AGBL4: variants seen among roughly 807,000 people sequenced by gnomAD.
AGBL4 encodes the protein AGBL carboxypeptidase 4, also known as cytosolic carboxypeptidase 6.
AGBL4 carries 58 observed loss-of-function variants against 66.4 expected under a neutral mutation model. The observed-to-expected ratio is 0.87, with a 90% CI of 0.71 to 1.09. AGBL4 has a LOEUF of 1.09. AGBL4 is among the 50% of genes least tolerant of loss of function. The pLI is 0.00. For synonymous variants in AGBL4, 234 were observed against 222.9 expected (o/e 1.05, Z -0.44); for missense variants, 579 against 631.0 (o/e 0.92, Z 0.88).
chr1:49,527,062 C>T (rs1033971459), intron 3 of AGBL4, among the ~76,000 whole-genome samples: 1 of 152,064 alleles, frequency 6.6e-6, no homozygotes, highest in African/African-American at 2.4e-5. Flanking sequence ...TAAGTAAATA[C>T]TATGTGTCAG....
chr1:49,280,431 A>G (rs1644251879), intron 3 of AGBL4, among the ~76,000 whole-genome samples: 2 of 152,170 alleles, frequency 1.3e-5, no homozygotes, highest in South Asian at 4.1e-4. Context: ...CTGCCTAAGG[A>G]GGGCAGTGAG....
At position 49,245,390 on chromosome 1, in the gene AGBL4, GA is replaced by G. The variant is rs542062795; in HGVS notation, c.377+379del. 5.7e-4 allele frequency among the ~76,000 whole-genome samples: 79 copies of G among 139,126 alleles called. 1 individual carries two copies. Among genetic ancestry groups the G allele is most frequent in the South Asian group, 5.0e-3 (22 of 4,444 alleles). The allele number at this position is 139,126 out of a possible 152,430, so 91.3% of individuals were successfully genotyped here. ...TAAACATAATCTATGCTTAGGCTAGGAAAAAAAAAAAGAACCAACTTTATTT... is the reference window on the plus strand; with the variant it reads ...TAAACATAATCTATGCTTAGGCTAGGAAAAAAAAAAGAACCAACTTTATTT... On this transcript the variant is annotated intron_variant, in intron 4 of 13. Transcript: ENST00000371839.
At chr1:48,896,938 A>G (rs1230490552) in intron 5 of AGBL4, among the ~76,000 whole-genome samples, 1 of 152,194 alleles carries the variant, frequency 6.6e-6, no homozygotes, top group Non-Finnish European at 1.5e-5. Context: ...GGCTAAGTGC[A>G]CTTGTTATTT....
chr1:49,525,083 T>C (rs1247197866), intron 3 of AGBL4, among the ~76,000 whole-genome samples: 1 of 152,096 alleles, frequency 6.6e-6, no homozygotes, highest in Admixed American at 6.5e-5. Flanking sequence ...GTTAGGAATA[T>C]ATTTATTAAT....
In AGBL4 at chr1:49,599,980, G is replaced by T. The variant is rs543126518; in HGVS notation, c.282+97333C>A. ...TTGCTCTGTGGTCTGAGAGACGATT[G>T]GTTATGATTTCCATTCTTTCACATT... On this transcript the variant is annotated intron_variant, in intron 3 of 13. Coordinates refer to ENST00000371839, the MANE Select transcript of AGBL4 (RefSeq NM_032785.4). 7.9e-5 allele frequency among the ~76,000 whole-genome samples: 12 copies of T among 152,176 alleles called. No individual in the cohort carries two copies. The South Asian group carries it at 2.5e-3, about 32-fold the overall frequency.
intron 3 of AGBL4, among the ~76,000 whole-genome samples, chr1:49,358,521 C>T (rs2148531665): frequency 6.6e-6 from 1 of 152,248 alleles, no homozygotes; most frequent in South Asian, 2.1e-4. Context: ...GAACAAGCAG[C>T]CAGACTTTAT....
intron 1 of AGBL4, among the ~76,000 whole-genome samples, chr1:49,986,989 C>T (rs76972504): frequency 6.6e-6 from 1 of 151,888 alleles, no homozygotes; most frequent in African/African-American, 2.4e-5. Context: ...TCATCTATCC[C>T]CCAAAAATCT....
chr1:48,703,091 C>T (rs189678787), intron 6 of AGBL4, among the ~76,000 whole-genome samples: 1 of 152,176 alleles, frequency 6.6e-6, no homozygotes, highest in African/African-American at 2.4e-5. Flanking sequence ...AAGAGATACA[C>T]TACAGCAAAA....
intron 4 of AGBL4, among the ~76,000 whole-genome samples, chr1:49,134,493 C>T (rs1645968940): frequency 8.1e-6 from 1 of 123,690 alleles, no homozygotes; most frequent in African/African-American, 3.0e-5. Flanking sequence ...CCCCCCACCC[C>T]AGGAATGCAT....
chr1:49,392,690 A>G (rs1644876279), intron 3 of AGBL4, among the ~76,000 whole-genome samples: 1 of 122,016 alleles, frequency 8.2e-6, no homozygotes, highest in Non-Finnish European at 1.7e-5. Flanking sequence ...GCAATTTTCA[A>G]CTGTGTATAC....
chr1:49,750,250 T>C (rs1005713491), intron 2 of AGBL4, among the ~76,000 whole-genome samples: 1 of 152,084 alleles, frequency 6.6e-6, no homozygotes, highest in African/African-American at 2.4e-5. Flanking sequence ...AAATCTTTAA[T>C]CATCTTGAGT....
At chr1:48,534,383 G>A in intron 13 of AGBL4, 90 bp from the exon 14 acceptor site, 1 of 1,446,164 alleles carries the variant, frequency 6.9e-7, no homozygotes, top group Non-Finnish European at 9.2e-7. Flanking sequence ...CTTCCCCACT[G>A]GACTGTAGCC....
At chr1:49,025,530 G>A (rs912734964) in intron 5 of AGBL4, 36 of 152,080 alleles carry the variant, frequency 2.4e-4, no homozygotes, top group African/African-American at 8.2e-4. Flanking sequence ...AGAAGAACTT[G>A]GGATTCTTCT....
At chr1:49,757,013 C>A (rs930755833) in intron 2 of AGBL4, among the ~76,000 whole-genome samples, 1 of 152,148 alleles carries the variant, frequency 6.6e-6, no homozygotes, top group African/African-American at 2.4e-5. Context: ...GAATTGTAAT[C>A]TGAATGATAA....
At chr1:48,754,513 G>T (rs756763999) in intron 6 of AGBL4, among the ~76,000 whole-genome samples, 7 of 152,140 alleles carry the variant, frequency 4.6e-5, no homozygotes, top group Non-Finnish European at 7.3e-5. Context: ...TTGTACATTG[G>T]AATGTCACCA....
chr1:48,622,865 G>A (rs941069018), intron 9 of AGBL4, among the ~76,000 whole-genome samples: 8 of 152,134 alleles, frequency 5.3e-5, no homozygotes, highest in African/African-American at 9.7e-5. Flanking sequence ...TAAGTCACAG[G>A]CATCACCTCA....
At chr1:49,148,769 C>T (rs1032990696) in intron 4 of AGBL4, among the ~76,000 whole-genome samples, 5 of 152,152 alleles carry the variant, frequency 3.3e-5, no homozygotes, top group Admixed American at 1.3e-4. Context: ...TCAGGGTGTT[C>T]GCAATCTTTC....
intron 2 of AGBL4, among the ~76,000 whole-genome samples, chr1:49,790,363 CAAAAAAAAAAA>C (rs11313463): frequency 1.4e-4 from 14 of 98,994 alleles, no homozygotes; most frequent in Middle Eastern, 0.01. Context: ...GATTCTATCT[CAAAAAAAAAAA>C]AAAAAAAAGA....
At chr1:48,645,505 C>T (rs563916745) in intron 8 of AGBL4, among the ~76,000 whole-genome samples, 1 of 152,110 alleles carries the variant, frequency 6.6e-6, no homozygotes, top group African/African-American at 2.4e-5. Flanking sequence ...CAATGTCAGA[C>T]AGAAATATAT....
Sources: allele counts gnomAD v4.1 joint callset (sites outside exome capture counted in the v4.1 genomes callset), GRCh38; gene constraint gnomAD v4.1.1; transcripts MANE v1.5; gene names NCBI Gene and HGNC (gene_info 2026-07-23, HGNC 2026-07-21).